The following MYO5B variants were observed in gnomAD, a reference collection of about 807,000 sequenced individuals.
MYO5B encodes unconventional myosin-Vb.
MYO5B carries 143 observed loss-of-function variants against 229.3 expected under a neutral mutation model. The observed-to-expected ratio is 0.62, with a 90% CI of 0.54 to 0.72. The LOEUF (loss-of-function observed/expected upper bound fraction) is 0.72. Among genes scored for constraint, MYO5B ranks in the 30% least tolerant of loss-of-function variants. The pLI is 0.00. For missense variants in MYO5B, 2,321 were observed against 2,331.0 expected, an observed-to-expected ratio of 1.00 and a Z score of 0.09; for synonymous variants, 918 against 885.2, an observed-to-expected ratio of 1.04 and a Z score of -0.66.
At chr18:50,016,281 A>G (rs2026214461) in intron 4 of MYO5B, among the ~76,000 whole-genome samples, 2 of 152,162 alleles carry the variant, frequency 1.3e-5, no homozygotes, top group African/African-American at 4.8e-5. Flanking sequence ...CCATGATCCA[A>G]TCCTGTGTGA....
rs377639085 is a variant in MYO5B, at chr18:49,926,330, C to T, written c.2090+3182G>A. ...TTTATGGGTAATTAATCACTGCATA[C>T]GAAATGGTTCCTCCACTACAGTGGG... is the stretch of plus-strand genomic sequence containing the variant. On this transcript the variant is annotated intron_variant, in intron 17 of 39. Coordinates refer to ENST00000285039, the MANE Select transcript of MYO5B (RefSeq NM_001080467.3). 7.2e-5 allele frequency among the ~76,000 whole-genome samples: 11 copies of T among 152,178 alleles called. No individual in the cohort carries two copies. In the East Asian group the frequency reaches 1.7e-3, roughly 24 times the overall value.
chr18:49,962,497 G>T, intron 11 of MYO5B, 91 bp from the exon 12 acceptor site: 1 of 1,550,754 alleles, frequency 6.4e-7, no homozygotes, highest in Non-Finnish European at 8.9e-7. Context: ...GGGTTCTGGA[G>T]GACAGCAGAG....
At chr18:49,843,514 G>T in intron 33 of MYO5B, 122 bp from the exon 34 acceptor site, 2 of 1,271,476 alleles carry the variant, frequency 1.6e-6, no homozygotes, top group Non-Finnish European at 2.2e-6. Flanking sequence ...AGGAATAGAT[G>T]TCTCAAAGAG....
In MYO5B at chr18:50,194,851, C is replaced by G; in HGVS notation, c.-58G>C. Reference sequence around the variant, plus strand: ...CCTGGCTGCCCCGCGGCTCTCAGTCCGCGGCTGGCCCGCCTGGCGCCATGT... The same window carrying G: ...CCTGGCTGCCCCGCGGCTCTCAGTCGGCGGCTGGCCCGCCTGGCGCCATGT... On this transcript the variant is annotated 5_prime_UTR_variant, in exon 1 of 40. Coordinates refer to ENST00000285039, the MANE Select transcript of MYO5B (RefSeq NM_001080467.3). 1.6e-6 allele frequency: 2 copies of G among 1,254,142 alleles called. No homozygotes were observed. Among genetic ancestry groups the G allele is most frequent in the East Asian group, 3.2e-5 (1 of 30,782 alleles). 77.7% of individuals were successfully genotyped at this position (1,254,142 alleles called of 1,614,324 possible). A position where few individuals can be genotyped will look rare whatever the true frequency, so the allele number is the denominator to read the frequency against.
At chr18:50,092,404 T>C (rs1254006608) in intron 1 of MYO5B, among the ~76,000 whole-genome samples, 2 of 152,220 alleles carry the variant, frequency 1.3e-5, no homozygotes, top group Non-Finnish European at 2.9e-5. Flanking sequence ...CAAGGTCACA[T>C]GGCATAATGG....
At chr18:50,087,386 C>T (rs1369481008) in intron 1 of MYO5B, among the ~76,000 whole-genome samples, 2 of 151,786 alleles carry the variant, frequency 1.3e-5, no homozygotes, top group Non-Finnish European at 2.9e-5. Flanking sequence ...CTGGCTAACA[C>T]GGTGAAACCC....
chr18:50,059,954 A>T (rs139618740), intron 1 of MYO5B, among the ~76,000 whole-genome samples: 209 of 152,340 alleles, frequency 1.4e-3, no homozygotes, highest in Non-Finnish European at 2.5e-3. Context: ...AAACAGACAC[A>T]TGAACTAAGA....
chr18:50,056,043 G>A (rs914927467), intron 1 of MYO5B, among the ~76,000 whole-genome samples: 9 of 152,012 alleles, frequency 5.9e-5, no homozygotes, highest in African/African-American at 2.2e-4. Flanking sequence ...CCAAAGTGTT[G>A]GGATGACAGA....
Position 49,902,830 on chromosome 18 carries a change from G to C in MYO5B, c.2575C>G (p.Leu859Val). 1.3e-6 allele frequency: 2 copies of C among 1,599,670 alleles called. No individual in the cohort carries two copies. Among genetic ancestry groups the C allele is most frequent in the Admixed American group, 1.7e-5 (1 of 59,982 alleles). Reference sequence around the variant, plus strand: ...ATGGTGGTGGCCTTGTGCTCCATGAGGACCTGGCGGGAAACAAGGATACAC... The same window carrying C: ...ATGGTGGTGGCCTTGTGCTCCATGACGACCTGGCGGGAAACAAGGATACAC... ...MFVRRTYRQVLMEHKATTIQK... is the reference protein window; with the variant it reads ...MFVRRTYRQVVMEHKATTIQK... The change falls in exon 21 of 40, where the codon CTC becomes GTC. Residue 859 changes from leucine (L) to valine (V), a missense_variant. By Grantham distance (32) the Leu-to-Val change is conservative (BLOSUM62 1). This residue lies in a region of MYO5B where 2,113 missense variants were observed against 2,044.7 expected (regional missense o/e 1.03). Coordinates refer to ENST00000285039, the MANE Select transcript of MYO5B (RefSeq NM_001080467.3).
chr18:49,916,544 C>T (rs768115886), intron 17 of MYO5B, among the ~76,000 whole-genome samples: 16 of 152,226 alleles, frequency 1.1e-4, no homozygotes, highest in Non-Finnish European at 2.2e-4. Context: ...CCTGCCTAAG[C>T]CACTCCCTTC....
Position 50,160,738 on chromosome 18 carries a change from G to A in MYO5B, c.27+34029C>T, listed in dbSNP as rs530204665. ...ACTTTCACCCACTCATCCTAGTTGTGACCGCTGTGAGAGTAGACACAATCC... is the reference window on the plus strand; with the variant it reads ...ACTTTCACCCACTCATCCTAGTTGTAACCGCTGTGAGAGTAGACACAATCC... On this transcript the variant is annotated intron_variant, in intron 1 of 39. Transcript: ENST00000285039. Among the ~76,000 whole-genome samples the A allele has an allele frequency of 2.2e-4, 34 of 152,258 alleles. 1 individual carries two copies. In the South Asian group the frequency reaches 7.1e-3, roughly 32 times the overall value.
intron 7 of MYO5B, among the ~76,000 whole-genome samples, chr18:49,989,083 CAAGCT>C (rs2025901459): frequency 6.6e-6 from 1 of 152,166 alleles, no homozygotes; most frequent in African/African-American, 2.4e-5. Context: ...TCATAATTGA[CAAGCT>C]AAGCAGGGTA....
intron 10 of MYO5B, among the ~76,000 whole-genome samples, chr18:49,971,263 G>C (rs1370447010): frequency 6.6e-6 from 1 of 152,164 alleles, no homozygotes; most frequent in South Asian, 2.1e-4. Flanking sequence ...TAGAGAGGGC[G>C]AGAAGTGGGG....
chr18:50,121,239 A>G (rs1419557278), intron 1 of MYO5B, among the ~76,000 whole-genome samples: 1 of 152,152 alleles, frequency 6.6e-6, no homozygotes, highest in Non-Finnish European at 1.5e-5. Flanking sequence ...TTCATTCCAA[A>G]GCTTGCGTTA....
At chr18:50,027,854 G>A (rs563928721) in intron 4 of MYO5B, among the ~76,000 whole-genome samples, 55 of 152,250 alleles carry the variant, frequency 3.6e-4, no homozygotes, top group African/African-American at 1.3e-3. Context: ...TCACAAAATA[G>A]CAGAACACAA....
chr18:49,900,760 C>A (rs1481377167), intron 21 of MYO5B, among the ~76,000 whole-genome samples: 5 of 152,188 alleles, frequency 3.3e-5, no homozygotes, highest in Non-Finnish European at 1.5e-5. Flanking sequence ...CCCTCTGGGG[C>A]ACCTCAGAAG....
intron 1 of MYO5B, among the ~76,000 whole-genome samples, chr18:50,105,575 G>T (rs2031743575): frequency 6.6e-6 from 1 of 152,120 alleles, no homozygotes; most frequent in African/African-American, 2.4e-5. Context: ...ATGGAGGACA[G>T]GTCAGTGGTT....
At position 50,052,917 on chromosome 18, in the gene MYO5B, A is replaced by G. The variant is rs1598984332; in HGVS notation, c.138+2351T>C. 2.6e-5 allele frequency among the ~76,000 whole-genome samples: 4 copies of G among 152,306 alleles called. No individual in the cohort carries two copies. The South Asian group carries it at 6.2e-4, about 24-fold the overall frequency. The stretch of plus-strand genomic sequence containing the variant: ...AATATCATTGTCTTCCTGGAAGATA[A>G]TCTAACTGATGTTAATCCTTTGCTG... On this transcript the variant is annotated intron_variant, in intron 2 of 39. Transcript: ENST00000285039.
chr18:49,845,041 TC>T (rs1364641871), intron 33 of MYO5B, among the ~76,000 whole-genome samples: 1 of 152,196 alleles, frequency 6.6e-6, no homozygotes, highest in Admixed American at 6.5e-5. Flanking sequence ...AGATGACCTT[TC>T]CTGGGGCCAC....
Sources: gnomAD v4.1 joint callset for allele counts (sites outside exome capture counted in the v4.1 genomes callset) on GRCh38, gnomAD v4.1.1 for gene constraint, gnomAD v4.1.1 regional missense constraint, MANE v1.5 for transcripts, NCBI Gene and HGNC (gene_info 2026-07-23, HGNC 2026-07-21) for gene names.